CCDC7: variants seen among roughly 807,000 people sequenced by gnomAD.
CCDC7 encodes the protein coiled-coil domain-containing protein 7.
In CCDC7, 183 loss-of-function variants were observed where a neutral mutation model predicts 196.9. That is an observed-to-expected ratio of 0.93 (90% CI 0.82 to 1.05). The LOEUF is 1.05. Among genes scored for constraint, CCDC7 ranks in the 50% least tolerant of loss-of-function variants. CCDC7 has a pLI of 0.00. For synonymous variants in CCDC7, 525 were observed against 484.6 expected (o/e 1.08, Z -1.10); for missense variants, 1,540 against 1,482.2 (o/e 1.04, Z -0.64).
chr10:32,496,973 C>T (rs945716466), intron 9 of CCDC7, among the ~76,000 whole-genome samples: 14 of 152,152 alleles, frequency 9.2e-5, no homozygotes, highest in African/African-American at 2.9e-4. Flanking sequence ...ATGGTACCAG[C>T]TCCTCTTTGT....
chr10:32,674,197 T>C (rs967114638), intron 21 of CCDC7, among the ~76,000 whole-genome samples: 12 of 152,046 alleles, frequency 7.9e-5, no homozygotes, highest in African/African-American at 2.9e-4. Flanking sequence ...GGTTGTTCAT[T>C]TGAAATATTT....
At chr10:32,501,908 A>C (rs1468599413) in intron 9 of CCDC7, among the ~76,000 whole-genome samples, 1 of 152,210 alleles carries the variant, frequency 6.6e-6, no homozygotes, top group African/African-American at 2.4e-5. Flanking sequence ...GCTGTCAGGC[A>C]GGGATGTTTA....
intron 41 of CCDC7, among the ~76,000 whole-genome samples, chr10:32,861,410 T>C (rs980662458): frequency 2.0e-5 from 3 of 151,990 alleles, no homozygotes; most frequent in African/African-American, 4.8e-5. Flanking sequence ...ACACCTTATA[T>C]AAAAATTAAC....
At chr10:32,836,507 A>G (rs2092613066) in intron 33 of CCDC7, among the ~76,000 whole-genome samples, 1 of 152,142 alleles carries the variant, frequency 6.6e-6, no homozygotes, top group Non-Finnish European at 1.5e-5. Flanking sequence ...CAGCAGTGTA[A>G]AAGTGTTCCT....
intron 28 of CCDC7, among the ~76,000 whole-genome samples, chr10:32,740,244 T>A (rs1330333123): frequency 6.6e-6 from 1 of 152,192 alleles, no homozygotes. Context: ...TTCTCTCTGA[T>A]AAAATAGTTT....
intron 9 of CCDC7, among the ~76,000 whole-genome samples, chr10:32,515,669 G>A (rs2046903861): frequency 1.3e-5 from 2 of 151,710 alleles, no homozygotes; most frequent in Admixed American, 1.3e-4. Context: ...TCAGCCTTCC[G>A]AGTAGCTGGG....
At chr10:32,447,097 C>A (rs980927940), upstream of CCDC7, among the ~76,000 whole-genome samples, 1 of 152,084 alleles carries the variant, frequency 6.6e-6, no homozygotes, top group Non-Finnish European at 1.5e-5. Context: ...TTTCTTTACT[C>A]CCTTTTATAG....
At chr10:32,540,312 G>GTCCC (rs2051199181) in intron 11 of CCDC7, among the ~76,000 whole-genome samples, 1 of 152,100 alleles carries the variant, frequency 6.6e-6, no homozygotes, top group Non-Finnish European at 1.5e-5. Flanking sequence ...TTTGCTTAAA[G>GTCCC]TCCCATTTTG....
intron 18 of CCDC7, among the ~76,000 whole-genome samples, chr10:32,591,497 C>G (rs2059777054): frequency 6.7e-6 from 1 of 148,916 alleles, no homozygotes; most frequent in Admixed American, 6.9e-5. Flanking sequence ...TTCCTTTTTG[C>G]TTGTTTTTTT....
intron 14 of CCDC7, 50 bp downstream of exon 15, chr10:32,565,670 C>T: frequency 6.4e-7 from 1 of 1,558,728 alleles, no homozygotes. Context: ...AAGAAAATAT[C>T]CACAAAGAAC....
intron 3 of CCDC7, 157 bp downstream of exon 4, chr10:32,456,491 CT>C (rs35197513): frequency 1.1e-3 from 612 of 549,158 alleles, no homozygotes; most frequent in Middle Eastern, 3.4e-3. Flanking sequence ...ATTTTTTATT[CT>C]TTTTTTTTAA....
chr10:32,622,235 C>T (rs1459448499), intron 18 of CCDC7, among the ~76,000 whole-genome samples: 3 of 152,158 alleles, frequency 2.0e-5, no homozygotes, highest in Admixed American at 2.0e-4. Flanking sequence ...TAACATTGGA[C>T]CCATAGAGTC....
At position 32,756,775 on chromosome 10, in the gene CCDC7, G is replaced by A. The variant is rs187061222; in HGVS notation, c.2906-22202G>A. Among the ~76,000 whole-genome samples the A allele has an allele frequency of 1.6e-3, 244 of 152,248 alleles. 1 individual carries two copies. The highest frequency in any genetic ancestry group is 3.3e-3 in the Admixed American group (51 of 15,294). ...CAGTATTAACCTTAAATGTAAATGG[G>A]CTAAATGCCCCAGTTAAAAGACACA... On this transcript the variant is annotated intron_variant, in intron 28 of 41. Transcript: ENST00000639629.
intron 18 of CCDC7, among the ~76,000 whole-genome samples, chr10:32,598,045 C>T (rs1759658): frequency 6.6e-6 from 1 of 152,028 alleles, no homozygotes; most frequent in East Asian, 1.9e-4. Flanking sequence ...TGGACAGGGA[C>T]GTTTAAGTCT....
intron 20 of CCDC7, among the ~76,000 whole-genome samples, chr10:32,661,040 C>T (rs1165271843): frequency 6.9e-6 from 1 of 144,490 alleles, no homozygotes; most frequent in African/African-American, 2.6e-5. Flanking sequence ...GAACAGGCAA[C>T]CTACAAAATG....
At chr10:32,666,417 T>C (rs1422861847) in intron 21 of CCDC7, among the ~76,000 whole-genome samples, 1 of 152,184 alleles carries the variant, frequency 6.6e-6, no homozygotes, top group Non-Finnish European at 1.5e-5. Flanking sequence ...AGGGTACATG[T>C]ACACAACGTG....
intron 20 of CCDC7, among the ~76,000 whole-genome samples, chr10:32,642,832 T>G (rs1257385168): frequency 6.6e-6 from 1 of 152,210 alleles, no homozygotes; most frequent in Non-Finnish European, 1.5e-5. Flanking sequence ...AAGATTTTCT[T>G]ATTGTATCCT....
chr10:32,693,802 C>A (rs1220202355), intron 23 of CCDC7, among the ~76,000 whole-genome samples: 2 of 151,990 alleles, frequency 1.3e-5, no homozygotes, highest in Non-Finnish European at 2.9e-5. Context: ...TCTAAATGGT[C>A]CCTGTCTGAG....
chr10:32,873,908 T>G (rs1281115238), intron 41 of CCDC7, among the ~76,000 whole-genome samples: 2 of 151,856 alleles, frequency 1.3e-5, no homozygotes. Context: ...CTGTCTGTCT[T>G]ATGATAGTCA....
Sources: allele counts gnomAD v4.1 joint callset (sites outside exome capture counted in the v4.1 genomes callset), GRCh38; gene constraint gnomAD v4.1.1; transcripts MANE v1.5; gene names NCBI Gene and HGNC (gene_info 2026-07-23, HGNC 2026-07-21).